VEPH1: variants seen among roughly 807,000 people sequenced by gnomAD.
VEPH1 encodes ventricular zone expressed PH domain containing 1.
Under a neutral mutation model 85.2 loss-of-function variants are expected in VEPH1, and 80 were observed. That is an observed-to-expected ratio of 0.94 (90% CI 0.78 to 1.13). The LOEUF is 1.13. Among genes scored for constraint, VEPH1 ranks in the 50% most tolerant of loss-of-function variants. The pLI, the probability that VEPH1 is intolerant of heterozygous loss-of-function variation, is 0.00. For synonymous variants in VEPH1, 297 were observed against 348.0 expected (o/e 0.85, Z 1.63); for missense variants, 955 against 980.5 (o/e 0.97, Z 0.35).
At chr3:157,282,980 A>T (rs1425407152) in intron 12 of VEPH1, among the ~76,000 whole-genome samples, 2 of 152,226 alleles carry the variant, frequency 1.3e-5, no homozygotes, top group Non-Finnish European at 2.9e-5. Context: ...TCAGAAAATG[A>T]ATCAGCAGTT....
chr3:157,304,038 T>TATACACACACAC, intron 11 of VEPH1, among the ~76,000 whole-genome samples: 2 of 96,880 alleles, frequency 2.1e-5, no homozygotes, highest in African/African-American at 6.1e-5. Context: ...TATATATATA[T>TATACACACACAC]ACACACATAC....
intron 2 of VEPH1, among the ~76,000 whole-genome samples, chr3:157,487,999 A>G (rs1007690073): frequency 2.0e-5 from 3 of 152,304 alleles, no homozygotes; most frequent in Non-Finnish European, 2.9e-5. Flanking sequence ...ATTCTAGTCA[A>G]TCTAGTTCTG....
At chr3:157,307,990 C>T (rs1486847090) in intron 11 of VEPH1, among the ~76,000 whole-genome samples, 1 of 151,514 alleles carries the variant, frequency 6.6e-6, no homozygotes, top group Non-Finnish European at 1.5e-5. Context: ...TCTACATTTT[C>T]TATTTAGTTA....
chr3:157,261,395 C>T lies in VEPH1; in HGVS notation c.2266-25G>A, dbSNP rs376190163. ...TCTGAAAGGCATGGGAAGAAAAGAA[C>T]ATGGGCTGGCTGTTACTGTAGGCAA... is the stretch of plus-strand genomic sequence containing the variant. On this transcript the variant is annotated intron_variant, in intron 13 of 13. Coordinates refer to ENST00000362010, the MANE Select transcript of VEPH1 (RefSeq NM_001167912.2). 9.3e-6 allele frequency: 15 copies of T among 1,611,028 alleles called. No individual in the cohort carries two copies. The African/African-American group carries it at 1.9e-4, about 20-fold the overall frequency.
At chr3:157,428,748 T>C (rs909847204) in intron 4 of VEPH1, among the ~76,000 whole-genome samples, 5 of 152,150 alleles carry the variant, frequency 3.3e-5, no homozygotes, top group African/African-American at 9.7e-5. Flanking sequence ...ACCATGGGGA[T>C]AGAGGAACTT....
intron 7 of VEPH1, among the ~76,000 whole-genome samples, chr3:157,374,178 T>C (rs536044185): frequency 8.5e-5 from 13 of 152,326 alleles, no homozygotes; most frequent in East Asian, 7.7e-4. Context: ...TCCTTTTCCA[T>C]GCACAGAGGA....
intron 9 of VEPH1, among the ~76,000 whole-genome samples, chr3:157,343,858 C>G (rs1259021453): frequency 6.6e-6 from 1 of 152,134 alleles, no homozygotes; most frequent in African/African-American, 2.4e-5. Flanking sequence ...CCCTGGGATG[C>G]AAGGCTGATT....
At chr3:157,416,559 C>G (rs1731928357) in intron 5 of VEPH1, among the ~76,000 whole-genome samples, 1 of 152,142 alleles carries the variant, frequency 6.6e-6, no homozygotes, top group Admixed American at 6.5e-5. Flanking sequence ...ATGAAAAATG[C>G]TTGCACATTT....
intron 2 of VEPH1, among the ~76,000 whole-genome samples, chr3:157,474,821 TA>T (rs376861612): frequency 1.1e-3 from 164 of 146,816 alleles, no homozygotes; most frequent in Middle Eastern, 6.9e-3. Flanking sequence ...GGCATGGTGT[TA>T]AAAAAAAAAA....
intron 9 of VEPH1, among the ~76,000 whole-genome samples, chr3:157,338,728 CTAACTA>C (rs1723210819): frequency 6.6e-6 from 1 of 152,144 alleles, no homozygotes; most frequent in Non-Finnish European, 1.5e-5. Flanking sequence ...GGCTGTCACC[CTAACTA>C]TAAGTAAAAA....
Position 157,313,207 on chromosome 3 carries a change from A to AT in VEPH1, c.2010+413dup, listed in dbSNP as rs569271901. On this transcript the variant is annotated intron_variant, in intron 11 of 13. Coordinates refer to ENST00000362010, the MANE Select transcript of VEPH1 (RefSeq NM_001167912.2). The stretch of plus-strand genomic sequence containing the variant: ...GCATGAGCCACCGTGCCCGGCCAAC[A>AT]TTTTTTTTTTAAGATGGAGTCTTGC... Among the ~76,000 whole-genome samples the AT allele has an allele frequency of 2.0e-4, 30 of 148,044 alleles. 1 individual carries two copies. Among genetic ancestry groups the AT allele is most frequent in the South Asian group, 1.5e-3 (7 of 4,658 alleles).
At chr3:157,486,972 T>C (rs1738714326) in intron 2 of VEPH1, among the ~76,000 whole-genome samples, 2 of 152,110 alleles carry the variant, frequency 1.3e-5, no homozygotes, top group African/African-American at 4.8e-5. Context: ...ATTTAGAATT[T>C]ACAATAAAAA....
intron 9 of VEPH1, among the ~76,000 whole-genome samples, chr3:157,327,328 TA>T (rs1478307451): frequency 6.6e-6 from 1 of 152,142 alleles, no homozygotes; most frequent in African/African-American, 2.4e-5. Context: ...GATTGTCTCC[TA>T]AAGTACCATT....
intron 4 of VEPH1, among the ~76,000 whole-genome samples, chr3:157,428,819 TAAAC>T (rs1469428809): frequency 1.3e-5 from 2 of 152,122 alleles, no homozygotes; most frequent in African/African-American, 4.8e-5. Flanking sequence ...TTCCTGATGA[TAAAC>T]AAAATTTAAA....
intron 9 of VEPH1, among the ~76,000 whole-genome samples, chr3:157,323,969 C>A (rs1721625555): frequency 6.6e-6 from 1 of 152,054 alleles, no homozygotes; most frequent in Non-Finnish European, 1.5e-5. Flanking sequence ...TATTTTAATT[C>A]TCTCCTTATC....
At chr3:157,305,723 T>C (rs1719439152) in intron 11 of VEPH1, among the ~76,000 whole-genome samples, 1 of 152,218 alleles carries the variant, frequency 6.6e-6, no homozygotes, top group South Asian at 2.1e-4. Context: ...TAGAAACGTG[T>C]GAGTGCCTTA....
At chr3:157,429,945 T>G (rs1733022844) in intron 4 of VEPH1, among the ~76,000 whole-genome samples, 1 of 152,162 alleles carries the variant, frequency 6.6e-6, no homozygotes, top group South Asian at 2.1e-4. Flanking sequence ...AACCCCAGAT[T>G]AGTCATTTTT....
chr3:157,475,988 T>G (rs1437151266), intron 2 of VEPH1, among the ~76,000 whole-genome samples: 1 of 152,184 alleles, frequency 6.6e-6, no homozygotes, highest in Non-Finnish European at 1.5e-5. Context: ...TAAACATCTT[T>G]TATGTTCATG....
At chr3:157,353,673 C>T (rs1251104987) in intron 9 of VEPH1, among the ~76,000 whole-genome samples, 1 of 152,062 alleles carries the variant, frequency 6.6e-6, no homozygotes, top group East Asian at 1.9e-4. Context: ...ATATGTAAAT[C>T]CTTTTTTTTC....
Sources: gnomAD v4.1 joint callset for allele counts (sites outside exome capture counted in the v4.1 genomes callset) on GRCh38, gnomAD v4.1.1 for gene constraint, MANE v1.5 for transcripts, NCBI Gene and HGNC (gene_info 2026-07-23, HGNC 2026-07-21) for gene names.